NRG1: variants seen among roughly 807,000 people sequenced by gnomAD.
The protein encoded by NRG1 is pro-neuregulin-1, membrane-bound isoform.
NRG1 carries 18 observed loss-of-function variants against 63.8 expected under a neutral mutation model. The ratio of observed to expected loss-of-function variants is 0.28; its 90% CI spans 0.19 to 0.42. The LOEUF is 0.42. NRG1 is among the 10% of genes least tolerant of loss of function. The pLI is 1.00. For synonymous variants in NRG1, 302 were observed against 301.3 expected (o/e 1.00, Z -0.02); for missense variants, 762 against 814.7 (o/e 0.94, Z 0.79).
intron 1 of NRG1, among the ~76,000 whole-genome samples, chr8:31,738,180 G>A (rs1814886275): frequency 6.6e-6 from 1 of 152,058 alleles, no homozygotes; most frequent in Non-Finnish European, 1.5e-5. Flanking sequence ...AGTCCTCATA[G>A]CGGCCACGGA....
At chr8:32,601,872 A>G (rs190381786) in intron 2 of NRG1, among the ~76,000 whole-genome samples, 16 of 150,764 alleles carry the variant, frequency 1.1e-4, no homozygotes, top group African/African-American at 3.4e-4. Flanking sequence ...AAGAGTACAT[A>G]AGGTTTTTTT....
chr8:32,530,012 T>C (rs1831277241), intron 1 of NRG1, among the ~76,000 whole-genome samples: 1 of 152,218 alleles, frequency 6.6e-6, no homozygotes, highest in Non-Finnish European at 1.5e-5. Context: ...GGCAGGACAG[T>C]AGGTTTGTTT....
At chr8:32,639,066 C>T (rs10503922) in intron 5 of NRG1, among the ~76,000 whole-genome samples, 15,890 of 151,840 alleles carry the variant, frequency 0.1, 1,914 homozygotes, top group East Asian at 0.54. Context: ...CTAAGGAAAA[C>T]GTATATTGTA....
chr8:31,946,129 T>C (rs1802499275), intron 1 of NRG1, among the ~76,000 whole-genome samples: 2 of 152,232 alleles, frequency 1.3e-5, no homozygotes, highest in South Asian at 4.1e-4. Flanking sequence ...TGTGATTTTC[T>C]TGCACAGCTT....
At chr8:32,699,464 GA>G (rs1814281419) in intron 5 of NRG1, among the ~76,000 whole-genome samples, 1 of 152,184 alleles carries the variant, frequency 6.6e-6, no homozygotes, top group South Asian at 2.1e-4. Context: ...TGCTTTCCTA[GA>G]AAAGTCAATA....
intron 1 of NRG1, among the ~76,000 whole-genome samples, chr8:31,778,256 C>T (rs1488150264): frequency 5.3e-5 from 8 of 152,196 alleles, no homozygotes; most frequent in East Asian, 3.9e-4. Flanking sequence ...ACTGACCCTA[C>T]GGCTTCCTGT....
At chr8:32,728,849 A>T (rs1183914844) in intron 6 of NRG1, among the ~76,000 whole-genome samples, 1 of 152,126 alleles carries the variant, frequency 6.6e-6, no homozygotes, top group Non-Finnish European at 1.5e-5. Flanking sequence ...GCAGATCACG[A>T]GGTCAGGAGA....
At position 31,746,319 on chromosome 8, in the gene NRG1, G is replaced by A. The variant is rs554953118; in HGVS notation, c.37+106888G>A. Among the ~76,000 whole-genome samples the A allele has an allele frequency of 5.9e-5, 9 of 152,016 alleles. No homozygotes were observed. The South Asian group carries it at 1.2e-3, about 21-fold the overall frequency. ...TTGCTTTGAGAGTATGTGAACAACC[G>A]AATTTTCTTAGTTAAATTTATTAAA... is the stretch of plus-strand genomic sequence containing the variant. On this transcript the variant is annotated intron_variant, in intron 1 of 10. Coordinates refer to the NRG1 transcript ENST00000519301.
intron 1 of NRG1, among the ~76,000 whole-genome samples, chr8:31,964,347 C>A (rs963398282): frequency 2.6e-5 from 4 of 152,156 alleles, no homozygotes; most frequent in African/African-American, 9.7e-5. Context: ...GAGACAAAAG[C>A]AAGCTGGCAA....
intron 1 of NRG1, among the ~76,000 whole-genome samples, chr8:32,244,327 G>A (rs1848411292): frequency 6.6e-6 from 1 of 151,994 alleles, no homozygotes; most frequent in Non-Finnish European, 1.5e-5. Flanking sequence ...AGAAATTATC[G>A]AGTCCAAAAT....
intron 1 of NRG1, among the ~76,000 whole-genome samples, chr8:32,008,828 A>G (rs1263213580): frequency 1.3e-5 from 2 of 152,062 alleles, no homozygotes. Context: ...GCAAAGTTGA[A>G]TATCACTTGT....
intron 1 of NRG1, among the ~76,000 whole-genome samples, chr8:32,085,875 G>A (rs1165506389): frequency 1.3e-5 from 2 of 152,208 alleles, no homozygotes; most frequent in African/African-American, 2.4e-5. Context: ...CTGTTGATGT[G>A]AAGTGAATTG....
chr8:32,719,167 A>G (rs1457835643), intron 5 of NRG1, among the ~76,000 whole-genome samples: 1 of 152,170 alleles, frequency 6.6e-6, no homozygotes, highest in Non-Finnish European at 1.5e-5. Flanking sequence ...AGTGATACAG[A>G]ATATCATTCT....
intron 11 of NRG1, among the ~76,000 whole-genome samples, chr8:32,761,985 G>A (rs1830772976): frequency 7.1e-6 from 1 of 140,186 alleles, no homozygotes; most frequent in African/African-American, 2.7e-5. Flanking sequence ...GCTGCAGTGA[G>A]CTGAGATGGT....
At chr8:32,705,544 G>A (rs1323098729) in intron 5 of NRG1, among the ~76,000 whole-genome samples, 4 of 152,156 alleles carry the variant, frequency 2.6e-5, no homozygotes, top group African/African-American at 9.7e-5. Flanking sequence ...GACATTAGGT[G>A]TTTCTCCACT....
At chr8:31,659,943 CT>C (rs1805807386) in intron 1 of NRG1, among the ~76,000 whole-genome samples, 1 of 152,106 alleles carries the variant, frequency 6.6e-6, no homozygotes, top group Non-Finnish European at 1.5e-5. Flanking sequence ...CTCACTAAAT[CT>C]TGACAATATC....
intron 1 of NRG1, among the ~76,000 whole-genome samples, chr8:32,358,530 A>G (rs547683893): frequency 6.6e-6 from 1 of 152,258 alleles, no homozygotes; most frequent in South Asian, 2.1e-4. Context: ...TATCATCTGA[A>G]GCTCTGAATT....
intron 5 of NRG1, among the ~76,000 whole-genome samples, chr8:32,659,400 G>A (rs1356465958): frequency 6.6e-6 from 1 of 152,026 alleles, no homozygotes; most frequent in Non-Finnish European, 1.5e-5. Flanking sequence ...TGCCCACCTT[G>A]GCCTCCCAGT....
At chr8:31,854,730 C>G (rs1162492195) in intron 1 of NRG1, among the ~76,000 whole-genome samples, 1 of 152,078 alleles carries the variant, frequency 6.6e-6, no homozygotes, top group South Asian at 2.1e-4. Flanking sequence ...ATCTTTCCTC[C>G]TTTCTCTTGT....
Sources: allele counts gnomAD v4.1 joint callset (sites outside exome capture counted in the v4.1 genomes callset), GRCh38; gene constraint gnomAD v4.1.1; transcripts MANE v1.5; gene names NCBI Gene and HGNC (gene_info 2026-07-23, HGNC 2026-07-21).